The following FGGY variants were observed in gnomAD, a reference collection of about 807,000 sequenced individuals.
The protein encoded by FGGY is FGGY carbohydrate kinase domain-containing protein.
FGGY carries 72 observed loss-of-function variants against 71.3 expected under a neutral mutation model. The observed-to-expected ratio is 1.01, with a 90% CI of 0.84 to 1.23. The LOEUF (loss-of-function observed/expected upper bound fraction) is 1.23, where lower values mean the gene tolerates loss of function less well. Ranked by LOEUF, FGGY falls within the 50% of genes most tolerant of loss-of-function variation. The probability of loss-of-function intolerance (pLI) is 0.00; values close to 1 mark genes in which losing one functional copy is unlikely to be tolerated. For synonymous variants in FGGY, 251 were observed against 250.3 expected, an observed-to-expected ratio of 1.00 and a Z score of -0.02; for missense variants, 668 against 682.3, an observed-to-expected ratio of 0.98 and a Z score of 0.23.
At position 59,605,435 on chromosome 1, in the gene FGGY, T is replaced by C. The variant is rs546276677; in HGVS notation, c.904-2368T>C. On this transcript the variant is annotated intron_variant, in intron 8 of 15. Coordinates refer to ENST00000303721, the MANE Select transcript of FGGY (RefSeq NM_018291.5). ...TGCTCTTTGAGTACAGGCACTATGC[T>C]CTTGTTCACCATTTATCTCTGTGCC... 8.5e-5 allele frequency among the ~76,000 whole-genome samples: 13 copies of C among 152,266 alleles called. 1 individual carries two copies. In the South Asian group the frequency reaches 2.5e-3, roughly 29 times the overall value.
chr1:59,675,036 AAT>A (rs1491564808), intron 14 of FGGY, among the ~76,000 whole-genome samples: 1 of 152,210 alleles, frequency 6.6e-6, no homozygotes, highest in East Asian at 1.9e-4. Flanking sequence ...TAGTCCCTGC[AAT>A]AGCTCTATTA....
At chr1:59,452,323 A>G (rs1341835881) in intron 5 of FGGY, among the ~76,000 whole-genome samples, 2 of 152,146 alleles carry the variant, frequency 1.3e-5, no homozygotes, top group South Asian at 2.1e-4. Flanking sequence ...TTCAGATGTC[A>G]TATGTCATAT....
At chr1:59,676,345 G>A (rs2097435112) in intron 14 of FGGY, among the ~76,000 whole-genome samples, 1 of 151,888 alleles carries the variant, frequency 6.6e-6, no homozygotes, top group Non-Finnish European at 1.5e-5. Flanking sequence ...TTTCTAATTT[G>A]TTCGATTTGT....
At chr1:59,746,882 G>A (rs2098202730) in intron 14 of FGGY, among the ~76,000 whole-genome samples, 1 of 152,130 alleles carries the variant, frequency 6.6e-6, no homozygotes, top group African/African-American at 2.4e-5. Context: ...TATCACTGAA[G>A]TCTTTGTTTC....
In FGGY at chr1:59,646,271, TGA is replaced by T. The variant is rs1009443036; in HGVS notation, c.1221+7898_1221+7899del. On this transcript the variant is annotated intron_variant, in intron 11 of 15. Coordinates refer to ENST00000303721, the MANE Select transcript of FGGY (RefSeq NM_018291.5). Reference sequence around the variant, plus strand: ...TTGGAAACACATGGTCTCTTTGATATGAGTTTGTGGATGTTTTTGCTGTTATT... The same window carrying T: ...TTGGAAACACATGGTCTCTTTGATATGTTTGTGGATGTTTTTGCTGTTATT... Among the ~76,000 whole-genome samples the T allele has an allele frequency of 1.3e-5, 2 of 152,208 alleles. 1 individual carries two copies. The highest frequency in any genetic ancestry group is 2.9e-5 in the Non-Finnish European group (2 of 68,030).
At chr1:59,499,002 G>A (rs866644743) in intron 6 of FGGY, among the ~76,000 whole-genome samples, 2 of 152,134 alleles carry the variant, frequency 1.3e-5, no homozygotes, top group African/African-American at 4.8e-5. Context: ...GTTTCAAGGA[G>A]CTCTATTTTA....
chr1:59,403,741 C>G (rs980230176), intron 5 of FGGY, among the ~76,000 whole-genome samples: 1 of 152,222 alleles, frequency 6.6e-6, no homozygotes, highest in Non-Finnish European at 1.5e-5. Context: ...AAAGTCCTCA[C>G]GTGCTTTACT....
intron 14 of FGGY, among the ~76,000 whole-genome samples, chr1:59,745,175 G>C (rs1300122287): frequency 1.3e-5 from 2 of 152,154 alleles, no homozygotes; most frequent in Admixed American, 6.6e-5. Context: ...GGCTTGGCTA[G>C]AGGGTTTCTG....
At chr1:59,513,387 A>G (rs927609683) in intron 7 of FGGY, among the ~76,000 whole-genome samples, 1 of 152,030 alleles carries the variant, frequency 6.6e-6, no homozygotes, top group Non-Finnish European at 1.5e-5. Context: ...ACACTTCCAT[A>G]CTCTGCCCAT....
intron 9 of FGGY, among the ~76,000 whole-genome samples, chr1:59,617,453 G>A (rs1400318875): frequency 6.6e-6 from 1 of 152,004 alleles, no homozygotes; most frequent in Non-Finnish European, 1.5e-5. Flanking sequence ...TGAAGGAAAA[G>A]AAACAGGACA....
At chr1:59,486,266 A>G (rs965677037) in intron 6 of FGGY, among the ~76,000 whole-genome samples, 2 of 152,172 alleles carry the variant, frequency 1.3e-5, no homozygotes, top group African/African-American at 2.4e-5. Context: ...CAGAACCACA[A>G]TGTCACTACA....
intron 12 of FGGY, among the ~76,000 whole-genome samples, chr1:59,662,256 C>A (rs1052517489): frequency 1.1e-4 from 17 of 149,210 alleles, no homozygotes; most frequent in African/African-American, 4.2e-4. Flanking sequence ...GGAGGCGGAG[C>A]TTGCAGTGAA....
intron 3 of FGGY, 56 bp downstream of exon 3, chr1:59,340,125 A>G (rs202155398): frequency 1.0e-4 from 128 of 1,281,742 alleles, no homozygotes; most frequent in Middle Eastern, 1.9e-4. Flanking sequence ...GATTAATCCA[A>G]TGGGCCCAGG....
At position 59,460,320 on chromosome 1, in the gene FGGY, G is replaced by A. The variant is rs558630793; in HGVS notation, c.670+3244G>A. On this transcript the variant is annotated intron_variant, in intron 6 of 15. Transcript: ENST00000303721. The stretch of plus-strand genomic sequence containing the variant: ...ACTGCTAGCACAGCAGTCCGAGATC[G>A]AACTGCAAGGTGGCAGTGAGGCCAG... Among the ~76,000 whole-genome samples the A allele has an allele frequency of 4.6e-5, 7 of 152,262 alleles. No homozygotes were observed. In the East Asian group the frequency reaches 7.7e-4, roughly 17 times the overall value.
chr1:59,674,408 T>G (rs1025280373), intron 14 of FGGY, among the ~76,000 whole-genome samples: 2 of 152,148 alleles, frequency 1.3e-5, no homozygotes, highest in African/African-American at 4.8e-5. Context: ...AAATTTCCCC[T>G]TGACCACTTT....
At chr1:59,676,821 TGA>T (rs1018698003) in intron 14 of FGGY, among the ~76,000 whole-genome samples, 3 of 152,172 alleles carry the variant, frequency 2.0e-5, no homozygotes, top group Admixed American at 2.0e-4. Flanking sequence ...AGCCACCAGC[TGA>T]GAGAGTCCTG....
chr1:59,700,499 C>T (rs1332048821), intron 14 of FGGY, among the ~76,000 whole-genome samples: 9 of 152,142 alleles, frequency 5.9e-5, no homozygotes, highest in Admixed American at 1.3e-4. Context: ...TATCACAGGT[C>T]GTGTGCAATA....
chr1:59,422,500 G>C (rs991926434), intron 5 of FGGY, among the ~76,000 whole-genome samples: 2 of 151,958 alleles, frequency 1.3e-5, no homozygotes, highest in Non-Finnish European at 2.9e-5. Context: ...TTTGAGACCA[G>C]CCTGGGCAAC....
chr1:59,689,988 G>T (rs2097576575), intron 14 of FGGY, among the ~76,000 whole-genome samples: 1 of 152,182 alleles, frequency 6.6e-6, no homozygotes, highest in Admixed American at 6.5e-5. Flanking sequence ...TCACCTGTCA[G>T]TGTCTCTGAT....
Sources: allele counts gnomAD v4.1 joint callset (sites outside exome capture counted in the v4.1 genomes callset), GRCh38; gene constraint gnomAD v4.1.1; transcripts MANE v1.5; gene names NCBI Gene and HGNC (gene_info 2026-07-23, HGNC 2026-07-21).